ARB2A: variants seen among roughly 807,000 people sequenced by gnomAD.
ARB2A encodes cotranscriptional regulator ARB2A.
At chr5:93,723,260 C>T in the ARB2A span, among the ~76,000 whole-genome samples, 1 of 152,120 alleles carries the variant, frequency 6.6e-6, no homozygotes, top group Non-Finnish European at 1.5e-5. Flanking sequence ...CAACCTTAAC[C>T]TGTTAATACC....
chr5:93,655,220 G>A, the ARB2A span, among the ~76,000 whole-genome samples: 2 of 152,124 alleles, frequency 1.3e-5, no homozygotes, highest in African/African-American at 4.8e-5. Flanking sequence ...TCAGATATAT[G>A]GGATTTTTGT....
At chr5:93,771,631 A>G in the ARB2A span, among the ~76,000 whole-genome samples, 1 of 152,248 alleles carries the variant, frequency 6.6e-6, no homozygotes, top group African/African-American at 2.4e-5. Context: ...CACACCCATC[A>G]AAAAGTGGGC....
At chr5:93,941,419 A>T in the ARB2A span, among the ~76,000 whole-genome samples, 14 of 152,180 alleles carry the variant, frequency 9.2e-5, no homozygotes, top group African/African-American at 2.7e-4. Context: ...AAAAGACATC[A>T]GAGTGACTCA....
At chr5:93,866,487 G>A in the ARB2A span, among the ~76,000 whole-genome samples, 6 of 152,030 alleles carry the variant, frequency 3.9e-5, no homozygotes, top group African/African-American at 1.5e-4. Flanking sequence ...CTGAGGAAAA[G>A]GCCAGAAGAG....
At chr5:93,845,394 G>C in the ARB2A span, among the ~76,000 whole-genome samples, 1 of 152,188 alleles carries the variant, frequency 6.6e-6, no homozygotes, top group African/African-American at 2.4e-5. Context: ...AGAACCCTGG[G>C]AGAAGGTCCC....
the ARB2A span, among the ~76,000 whole-genome samples, chr5:94,072,531 T>G: frequency 6.6e-6 from 1 of 152,108 alleles, no homozygotes. Flanking sequence ...AACATTAATG[T>G]CCAGAATAAT....
chr5:93,708,350 T>C, the ARB2A span, among the ~76,000 whole-genome samples: 1 of 152,204 alleles, frequency 6.6e-6, no homozygotes, highest in Non-Finnish European at 1.5e-5. Context: ...AACAGTCTCA[T>C]GTATGACTTT....
the ARB2A span, among the ~76,000 whole-genome samples, chr5:94,043,331 A>T: frequency 6.6e-6 from 1 of 152,198 alleles, no homozygotes. Context: ...TGAGCTATTT[A>T]CAGATTTTAG....
At chr5:93,796,988 T>G in the ARB2A span, among the ~76,000 whole-genome samples, 4 of 152,140 alleles carry the variant, frequency 2.6e-5, no homozygotes, top group East Asian at 7.7e-4. Context: ...CTTTCACAGA[T>G]AGAGAACATG....
At chr5:93,742,429 C>A in the ARB2A span, among the ~76,000 whole-genome samples, 1 of 152,128 alleles carries the variant, frequency 6.6e-6, no homozygotes, top group Non-Finnish European at 1.5e-5. Context: ...TATCCTTAGG[C>A]CCTTATCCCA....
the ARB2A span, among the ~76,000 whole-genome samples, chr5:93,998,397 G>A: frequency 6.6e-6 from 1 of 151,794 alleles, no homozygotes. Context: ...AATGAAGAAG[G>A]AAATAAAAAG....
chr5:93,641,534 G>A, the ARB2A span, among the ~76,000 whole-genome samples: 2 of 152,090 alleles, frequency 1.3e-5, no homozygotes, highest in Non-Finnish European at 2.9e-5. Context: ...CAATACTTTT[G>A]AGCCAACAAT....
the ARB2A span, among the ~76,000 whole-genome samples, chr5:93,926,377 C>T: frequency 9.9e-5 from 15 of 152,194 alleles, no homozygotes; most frequent in African/African-American, 3.6e-4. Context: ...AGGTGATCTG[C>T]CCGCCTCGGC....
At chr5:93,802,001 A>C in the ARB2A span, among the ~76,000 whole-genome samples, 3 of 152,146 alleles carry the variant, frequency 2.0e-5, no homozygotes, top group African/African-American at 7.2e-5. Context: ...TTAGAGACTG[A>C]TTTTGAAAAT....
At chr5:93,967,662 A>G in the ARB2A span, among the ~76,000 whole-genome samples, 2 of 152,126 alleles carry the variant, frequency 1.3e-5, no homozygotes, top group South Asian at 2.1e-4. Flanking sequence ...GGTTCTCACT[A>G]TGAAGACTAC....
the ARB2A span, among the ~76,000 whole-genome samples, chr5:93,666,345 T>C: frequency 1.3e-5 from 2 of 152,216 alleles, no homozygotes; most frequent in Non-Finnish European, 2.9e-5. Context: ...TTGGTCAGGA[T>C]GATTTTTTAA....
chr5:94,065,370 C>T, the ARB2A span, among the ~76,000 whole-genome samples: 1 of 152,018 alleles, frequency 6.6e-6, no homozygotes, highest in Non-Finnish European at 1.5e-5. Flanking sequence ...ACAAATTAGT[C>T]GGGGATGGTG....
chr5:93,877,261 A>T, the ARB2A span, among the ~76,000 whole-genome samples: 1 of 152,230 alleles, frequency 6.6e-6, no homozygotes, highest in Non-Finnish European at 1.5e-5. Flanking sequence ...TAGACAGATC[A>T]GCATCAAGTC....
the ARB2A span, chr5:93,881,630 G>A: frequency 6.0e-5 from 96 of 1,602,108 alleles, no homozygotes; most frequent in Non-Finnish European, 7.9e-5. Context: ...GTGTATCTTC[G>A]GCTTTTCTAC....
Sources: gnomAD v4.1 joint callset for allele counts (sites outside exome capture counted in the v4.1 genomes callset) on GRCh38, gnomAD v4.1.1 for gene constraint, MANE v1.5 for transcripts, NCBI Gene and HGNC (gene_info 2026-07-23, HGNC 2026-07-21) for gene names.